Variants in GRAMD1C observed in about 807,000 individuals in gnomAD.
GRAMD1C encodes the protein protein Aster-C.
A neutral mutation model predicts 97.8 loss-of-function variants in GRAMD1C; 89 were observed. The ratio of observed to expected loss-of-function variants is 0.91; its 90% CI spans 0.77 to 1.09. The LOEUF is 1.09. GRAMD1C is among the 50% of genes least tolerant of loss of function. GRAMD1C has a pLI of 0.00. For synonymous variants in GRAMD1C, 256 were observed against 267.0 expected (o/e 0.96, Z 0.40); for missense variants, 740 against 766.4 (o/e 0.97, Z 0.41).
chr3:113,897,448 T>A, intron 6 of GRAMD1C: 1 of 706,580 alleles, frequency 1.4e-6, no homozygotes, highest in Non-Finnish European at 1.7e-6. Context: ...TATCTTCTTC[T>A]TGTAGGAGTG....
intron 3 of GRAMD1C, among the ~76,000 whole-genome samples, chr3:113,870,087 T>C (rs1934735850): frequency 6.6e-6 from 1 of 151,844 alleles, no homozygotes; most frequent in Non-Finnish European, 1.5e-5. Flanking sequence ...TGATGCCAGG[T>C]GTGGTGACTC....
intron 6 of GRAMD1C, among the ~76,000 whole-genome samples, chr3:113,889,711 T>G (rs1262675812): frequency 6.6e-6 from 1 of 151,964 alleles, no homozygotes; most frequent in East Asian, 1.9e-4. Flanking sequence ...CGATCTCGGC[T>G]CACTGCAACC....
intron 1 of GRAMD1C, among the ~76,000 whole-genome samples, chr3:113,843,953 C>A (rs996418328): frequency 6.6e-6 from 1 of 152,150 alleles, no homozygotes; most frequent in African/African-American, 2.4e-5. Flanking sequence ...GCAAATTGTT[C>A]TCCAAAATAG....
chr3:113,833,051 TG>T (rs1350045939), intron 1 of GRAMD1C, among the ~76,000 whole-genome samples: 1 of 152,112 alleles, frequency 6.6e-6, no homozygotes, highest in African/African-American at 2.4e-5. Context: ...TGTTATCCCT[TG>T]CCCCAAGTGA....
At chr3:113,893,345 A>G (rs1559799079) in intron 6 of GRAMD1C, among the ~76,000 whole-genome samples, 1 of 151,758 alleles carries the variant, frequency 6.6e-6, no homozygotes, top group Non-Finnish European at 1.5e-5. Flanking sequence ...CCACATCTTA[A>G]TATACCCTCT....
At chr3:113,841,161 C>G (rs1036698554) in intron 1 of GRAMD1C, among the ~76,000 whole-genome samples, 1 of 152,044 alleles carries the variant, frequency 6.6e-6, no homozygotes, top group African/African-American at 2.4e-5. Context: ...ATGACATCAT[C>G]GAGGATGCAG....
In GRAMD1C at chr3:113,843,884, A is replaced by C. The variant is rs1223857142; in HGVS notation, c.28-619A>C. On this transcript the variant is annotated intron_variant, in intron 1 of 17. Coordinates refer to ENST00000358160, the MANE Select transcript of GRAMD1C (RefSeq NM_017577.5). ...AGTATTAACAAACATTCTTGACTCT[A>C]TGTGTATATTAAATTGCTGCATTGC... 2.0e-5 allele frequency among the ~76,000 whole-genome samples: 3 copies of C among 152,014 alleles called. No homozygotes were observed. The East Asian group carries it at 5.8e-4, about 29-fold the overall frequency.
At chr3:113,892,556 G>C (rs1044746405) in intron 6 of GRAMD1C, among the ~76,000 whole-genome samples, 5 of 152,142 alleles carry the variant, frequency 3.3e-5, no homozygotes, top group African/African-American at 1.2e-4. Flanking sequence ...TATTTGACCT[G>C]GTGAAACATA....
chr3:113,828,798 G>T (rs1403612429), intron 1 of GRAMD1C, among the ~76,000 whole-genome samples: 1 of 151,968 alleles, frequency 6.6e-6, no homozygotes, highest in East Asian at 1.9e-4. Context: ...CTTGTCCTCT[G>T]CCCCAACAAT....
intron 9 of GRAMD1C, among the ~76,000 whole-genome samples, chr3:113,911,297 G>A (rs1936567291): frequency 6.6e-6 from 1 of 151,532 alleles, no homozygotes; most frequent in Non-Finnish European, 1.5e-5. Context: ...GTGCAGTGGT[G>A]TGATCTTGGC....
chr3:113,848,227 G>C (rs181772528), intron 2 of GRAMD1C, among the ~76,000 whole-genome samples: 2 of 152,292 alleles, frequency 1.3e-5, no homozygotes, highest in Non-Finnish European at 2.9e-5. Flanking sequence ...TGGTCATCTT[G>C]AGTATGTTGC....
At chr3:113,871,349 T>C (rs1271638869) in intron 3 of GRAMD1C, among the ~76,000 whole-genome samples, 1 of 152,164 alleles carries the variant, frequency 6.6e-6, no homozygotes, top group Non-Finnish European at 1.5e-5. Context: ...AGCTAAGTTT[T>C]AGTTTTAGTA....
intron 10 of GRAMD1C, among the ~76,000 whole-genome samples, chr3:113,929,056 A>G (rs1223489707): frequency 2.0e-5 from 3 of 152,194 alleles, no homozygotes; most frequent in Admixed American, 6.5e-5. Context: ...ACTATTTTCC[A>G]TACTGGCTGT....
chr3:113,855,390 C>T (rs1405428371), intron 2 of GRAMD1C, among the ~76,000 whole-genome samples: 4 of 151,950 alleles, frequency 2.6e-5, no homozygotes, highest in South Asian at 4.1e-4. Context: ...CTTTCTATCA[C>T]CTTAGTAATA....
At chr3:113,830,394 C>T (rs568345058) in intron 1 of GRAMD1C, among the ~76,000 whole-genome samples, 3 of 152,222 alleles carry the variant, frequency 2.0e-5, no homozygotes, top group Admixed American at 6.5e-5. Context: ...TCTATGTTTG[C>T]GGCTTGATTT....
chr3:113,829,314 G>A (rs1048072610), intron 1 of GRAMD1C, among the ~76,000 whole-genome samples: 1 of 152,176 alleles, frequency 6.6e-6, no homozygotes, highest in African/African-American at 2.4e-5. Context: ...TGGATGGGGT[G>A]GTGTGGGCCT....
intron 6 of GRAMD1C, among the ~76,000 whole-genome samples, chr3:113,884,620 C>T (rs1354519924): frequency 6.6e-6 from 1 of 152,122 alleles, no homozygotes; most frequent in African/African-American, 2.4e-5. Context: ...ATCACGAGGT[C>T]AGGAGATCGA....
At chr3:113,874,571 C>G (rs1472541873) in intron 3 of GRAMD1C, among the ~76,000 whole-genome samples, 1 of 152,138 alleles carries the variant, frequency 6.6e-6, no homozygotes, top group Non-Finnish European at 1.5e-5. Flanking sequence ...TCTTGAACTT[C>G]AGAACTCAAG....
chr3:113,861,985 T>C (rs1934394808), intron 2 of GRAMD1C, among the ~76,000 whole-genome samples: 1 of 152,072 alleles, frequency 6.6e-6, no homozygotes, highest in South Asian at 2.1e-4. Flanking sequence ...TTTTTATTAG[T>C]GATTTTCAAA....
Sources: gnomAD v4.1 joint callset for allele counts (sites outside exome capture counted in the v4.1 genomes callset) on GRCh38, gnomAD v4.1.1 for gene constraint, MANE v1.5 for transcripts, NCBI Gene and HGNC (gene_info 2026-07-23, HGNC 2026-07-21) for gene names.